Variants in ITGA8 observed in about 807,000 individuals in gnomAD.
ITGA8 encodes the protein integrin alpha-8.
Under a neutral mutation model 142.3 loss-of-function variants are expected in ITGA8, and 91 were observed. That is an observed-to-expected ratio of 0.64 (90% CI 0.54 to 0.76). The LOEUF (loss-of-function observed/expected upper bound fraction) is 0.76. Ranked by LOEUF, ITGA8 falls within the 30% of genes least tolerant of loss-of-function variation. The pLI is 0.00. For synonymous variants in ITGA8, 505 were observed against 485.2 expected, an observed-to-expected ratio of 1.04 and a Z score of -0.54; for missense variants, 1,406 against 1,327.7, an observed-to-expected ratio of 1.06 and a Z score of -0.92.
intron 22 of ITGA8, 64 bp downstream of exon 22, chr10:15,592,161 C>G (rs191548116): frequency 8.1e-7 from 1 of 1,230,512 alleles, no homozygotes; most frequent in African/African-American, 1.5e-5. Context: ...CAGATGACAT[C>G]ATTTCACTGT....
intron 29 of ITGA8, among the ~76,000 whole-genome samples, chr10:15,517,762 G>A (rs1348944864): frequency 2.0e-5 from 3 of 152,234 alleles, no homozygotes; most frequent in African/African-American, 7.2e-5. Flanking sequence ...AGGGCAGAGT[G>A]CTCACACCCT....
intron 25 of ITGA8, among the ~76,000 whole-genome samples, chr10:15,567,369 C>T (rs1417920865): frequency 1.3e-5 from 2 of 152,032 alleles, no homozygotes; most frequent in East Asian, 3.9e-4. Context: ...TTGAGAAATA[C>T]TTCACTCAAC....
chr10:15,534,727 C>G (rs1833383971), intron 27 of ITGA8, among the ~76,000 whole-genome samples: 1 of 152,052 alleles, frequency 6.6e-6, no homozygotes, highest in African/African-American at 2.4e-5. Context: ...GATAAGCTCT[C>G]ACCTCCTCAA....
At chr10:15,525,808 T>A (rs1833163230) in intron 28 of ITGA8, among the ~76,000 whole-genome samples, 1 of 152,094 alleles carries the variant, frequency 6.6e-6, no homozygotes, top group African/African-American at 2.4e-5. Context: ...GTATTATTTA[T>A]TAATGATTAA....
intron 11 of ITGA8, among the ~76,000 whole-genome samples, chr10:15,648,538 T>C (rs910243504): frequency 1.3e-5 from 2 of 150,876 alleles, no homozygotes; most frequent in African/African-American, 4.9e-5. Flanking sequence ...AATTAAGATA[T>C]ATCAATAACA....
At chr10:15,617,392 A>G (rs1833413159) in intron 13 of ITGA8, among the ~76,000 whole-genome samples, 1 of 131,778 alleles carries the variant, frequency 7.6e-6, no homozygotes, top group Admixed American at 9.2e-5. Context: ...TAGAGGTCAA[A>G]CTGTCTGTTT....
Position 15,548,529 on chromosome 10 carries a change from C to T in ITGA8, c.2806G>A (p.Val936Met), listed in dbSNP as rs757427303. 1 of 1,608,468 alleles carries T rather than the reference C, an allele frequency of 6.2e-7. No individual in the cohort carries two copies. Among genetic ancestry groups the T allele is most frequent in the Admixed American group, 1.7e-5 (1 of 58,354 alleles). The change falls in exon 27 of 30, where the codon GTG (valine) becomes ATG (methionine). Residue 936 changes from valine (V) to methionine (M), a missense_variant. Val to Met is a conservative substitution (Grantham distance 21). Coordinates refer to ENST00000378076, the MANE Select transcript of ITGA8 (RefSeq NM_003638.3). ...NIECLQISCA[V>M]GRLEGGESAV... is the part of the protein sequence containing the mutation. ...CTTTCTCCTCCTTCGAGTCGTCCCA[C>T]TGCACAGGAGATTTGTAAACACTCG...
chr10:15,654,418 G>C (rs1834146648), intron 11 of ITGA8, among the ~76,000 whole-genome samples: 1 of 152,150 alleles, frequency 6.6e-6, no homozygotes, highest in Non-Finnish European at 1.5e-5. Context: ...AGATGTTTGA[G>C]AAGTTTATGT....
At chr10:15,680,198 A>G (rs1056979975) in intron 4 of ITGA8, among the ~76,000 whole-genome samples, 1 of 138,854 alleles carries the variant, frequency 7.2e-6, no homozygotes, top group African/African-American at 2.7e-5. Flanking sequence ...TGTCACCATC[A>G]ATTTTTTCCA....
chr10:15,630,608 A>T (rs1833667015), intron 13 of ITGA8, among the ~76,000 whole-genome samples: 1 of 151,978 alleles, frequency 6.6e-6, no homozygotes, highest in South Asian at 2.1e-4. Flanking sequence ...TCTAAGTGGG[A>T]AATGAACTCC....
chr10:15,603,163 A>T (rs1833133501), intron 20 of ITGA8, among the ~76,000 whole-genome samples: 1 of 152,190 alleles, frequency 6.6e-6, no homozygotes, highest in Non-Finnish European at 1.5e-5. Flanking sequence ...GTTCAACTAA[A>T]ACAAACAAAA....
chr10:15,570,479 A>G (rs1237109226), intron 25 of ITGA8, among the ~76,000 whole-genome samples: 1 of 151,960 alleles, frequency 6.6e-6, no homozygotes, highest in East Asian at 1.9e-4. Context: ...ACGTGGTGGT[A>G]CACGCCTGTA....
chr10:15,672,719 A>T lies in ITGA8; in HGVS notation c.707T>A (p.Ile236Asn), dbSNP rs1269320107. ...GQVITASVADIIANYSFKDIL... is the reference protein window; with the variant it reads ...GQVITASVADNIANYSFKDIL... Reference sequence around the variant, plus strand: ...ATCCTTGAATGAGTAATTTGCAATGATATCTGCAACACTGGCAGTGATCAC... The same window carrying T: ...ATCCTTGAATGAGTAATTTGCAATGTTATCTGCAACACTGGCAGTGATCAC... The change falls in exon 7 of 30, where the codon ATC (isoleucine) becomes AAC (asparagine). Residue 236 changes from isoleucine to asparagine, a missense_variant. Coordinates refer to ENST00000378076, the MANE Select transcript of ITGA8 (RefSeq NM_003638.3). The T allele has an allele frequency of 2.5e-6, 4 of 1,613,200 alleles. No homozygotes were observed. The highest frequency in any genetic ancestry group is 3.4e-6 in the Non-Finnish European group (4 of 1,179,672).
chr10:15,592,566 A>G (rs952645999), intron 21 of ITGA8, among the ~76,000 whole-genome samples: 3 of 152,178 alleles, frequency 2.0e-5, no homozygotes, highest in Admixed American at 1.3e-4. Context: ...TGTTAAATTG[A>G]AAATAATCCA....
Position 15,659,212 on chromosome 10 carries a change from TA to T in ITGA8, c.892-158del, listed in dbSNP as rs5783462. 0.6 allele frequency among the ~76,000 whole-genome samples: 89,939 copies of T among 150,040 alleles called. 28,205 individuals are homozygous for T. Among genetic ancestry groups the T allele is most frequent in the South Asian group, 0.77 (3,685 of 4,772 alleles). ...TGAAAGCCCACGGAATGATCTTATT[TA>T]AAAAAAAAAAGCCGATTAAAGTTTT... is the stretch of plus-strand genomic sequence containing the variant. On this transcript the variant is annotated intron_variant, in intron 9 of 29. Transcript: ENST00000378076.
At chr10:15,708,147 A>G (rs1261564807) in intron 2 of ITGA8, among the ~76,000 whole-genome samples, 1 of 152,110 alleles carries the variant, frequency 6.6e-6, no homozygotes, top group Non-Finnish European at 1.5e-5. Flanking sequence ...GGTTGCAAAT[A>G]GTAGCCCCTG....
intron 8 of ITGA8, among the ~76,000 whole-genome samples, chr10:15,665,494 T>C (rs1415587582): frequency 6.6e-6 from 1 of 152,212 alleles, no homozygotes; most frequent in African/African-American, 2.4e-5. Context: ...GTAGTTTCTT[T>C]TGCTGTGCAG....
Position 15,545,529 on chromosome 10 carries a change from G to A in ITGA8, c.2880+2926C>T, listed in dbSNP as rs564190790. Among the ~76,000 whole-genome samples the A allele has an allele frequency of 1.6e-4, 24 of 152,198 alleles. No homozygotes were observed. The South Asian group carries it at 4.2e-3, about 26-fold the overall frequency. ...CAAGATGAATATCCACATGCCTACC[G>A]CTGACTTTAATGAACCATTACAAGT... On this transcript the variant is annotated intron_variant, in intron 27 of 29. Transcript: ENST00000378076.
intron 21 of ITGA8, among the ~76,000 whole-genome samples, chr10:15,596,234 G>A (rs948867134): frequency 3.9e-5 from 6 of 152,032 alleles, no homozygotes; most frequent in Admixed American, 2.6e-4. Flanking sequence ...TTTATCCAAG[G>A]GCTTTTCACC....
Sources: gnomAD v4.1 joint callset for allele counts (sites outside exome capture counted in the v4.1 genomes callset) on GRCh38, gnomAD v4.1.1 for gene constraint, MANE v1.5 for transcripts, NCBI Gene and HGNC (gene_info 2026-07-23, HGNC 2026-07-21) for gene names.